The following IGSF10 variants were observed in gnomAD, a reference collection of about 807,000 sequenced individuals.
The protein encoded by IGSF10 is calvaria mechanical force protein 608.
A neutral mutation model predicts 128.2 loss-of-function variants in IGSF10; 126 were observed. The observed-to-expected ratio is 0.98, with a 90% CI of 0.85 to 1.14. The LOEUF (loss-of-function observed/expected upper bound fraction) is 1.14, where lower values mean the gene tolerates loss of function less well. IGSF10 is among the 50% of genes most tolerant of loss of function. The pLI, the probability that IGSF10 is intolerant of heterozygous loss-of-function variation, is 0.00. For synonymous variants in IGSF10, 1,185 were observed against 1,146.2 expected (o/e 1.03, Z -0.68); for missense variants, 3,295 against 3,149.8 (o/e 1.05, Z -1.10).
the IGSF10 span, among the ~76,000 whole-genome samples, chr3:151,535,690 A>G: frequency 6.6e-6 from 1 of 152,238 alleles, no homozygotes; most frequent in Non-Finnish European, 1.5e-5. Context: ...TATGGTAGGT[A>G]TTACAAATAG....
upstream of IGSF10, chr3:151,461,184 A>G: frequency 1.0e-6 from 1 of 985,316 alleles, no homozygotes. Context: ...GCGTGTGGGA[A>G]GCTAATTCGC....
intron 7 of IGSF10, chr3:151,440,790 C>A (rs1283764879): frequency 8.3e-6 from 3 of 359,426 alleles, no homozygotes; most frequent in African/African-American, 2.1e-5. Context: ...TAGAATTTTC[C>A]GGATTAAAGG....
intron 3 of IGSF10, among the ~76,000 whole-genome samples, chr3:151,458,155 T>C (rs1188958393): frequency 2.0e-5 from 3 of 152,188 alleles, no homozygotes; most frequent in East Asian, 3.9e-4. Context: ...GTGTATTATA[T>C]AGGCAGACAC....
At chr3:151,511,432 A>G in the IGSF10 span, among the ~76,000 whole-genome samples, 1 of 152,246 alleles carries the variant, frequency 6.6e-6, no homozygotes. Flanking sequence ...TTTTGTCACT[A>G]TCAGGCCTGC....
chr3:151,580,307 C>T, the IGSF10 span, among the ~76,000 whole-genome samples: 1 of 152,020 alleles, frequency 6.6e-6, no homozygotes, highest in Non-Finnish European at 1.5e-5. Context: ...TATTATCAGC[C>T]AACTTTCACT....
the IGSF10 span, among the ~76,000 whole-genome samples, chr3:151,594,196 A>G: frequency 6.6e-6 from 1 of 152,168 alleles, no homozygotes; most frequent in East Asian, 1.9e-4. Flanking sequence ...ATTCCAAGAA[A>G]TGTGCCCAGA....
chr3:151,502,859 G>T, the IGSF10 span, among the ~76,000 whole-genome samples: 2 of 152,022 alleles, frequency 1.3e-5, no homozygotes, highest in African/African-American at 4.8e-5. Flanking sequence ...AAACCAGAAA[G>T]GTGCTTTCGT....
chr3:151,440,381 A>C (rs952689934), intron 7 of IGSF10, among the ~76,000 whole-genome samples: 4 of 152,176 alleles, frequency 2.6e-5, no homozygotes, highest in African/African-American at 7.2e-5. Context: ...GTATTATAGT[A>C]AAATATTAGA....
the IGSF10 span, among the ~76,000 whole-genome samples, chr3:151,558,810 T>C: frequency 0.15 from 22,394 of 152,154 alleles, 1,798 homozygotes; most frequent in African/African-American, 0.18. Flanking sequence ...TCATGGTACA[T>C]GTGATTTCAT....
the IGSF10 span, among the ~76,000 whole-genome samples, chr3:151,485,909 C>A: frequency 1.3e-5 from 2 of 152,238 alleles, no homozygotes; most frequent in African/African-American, 4.8e-5. Context: ...GGCAAAATAA[C>A]CAGCTAGCAT....
In IGSF10 at chr3:151,446,442, G is replaced by A. The variant is rs1359979152; in HGVS notation, c.3539C>T (p.Ser1180Leu). ...EAKRDSVITSSLSGAITKPPM... is the reference protein window; with the variant it reads ...EAKRDSVITSLLSGAITKPPM... ...TGGCTTGGTGATAGCACCTGAAAGT[G>A]ACGATGTAATCACTGAATCTCTTTT... The change falls in exon 6 of 8, where the codon TCA becomes TTA. Residue 1180 changes from serine to leucine, a missense_variant. Coordinates refer to ENST00000282466, the MANE Select transcript of IGSF10 (RefSeq NM_178822.5). 2 of 1,614,034 alleles carry A rather than the reference G, an allele frequency of 1.2e-6. No individual in the cohort carries two copies. Among genetic ancestry groups the A allele is most frequent in the Non-Finnish European group, 1.7e-6 (2 of 1,179,990 alleles).
the IGSF10 span, among the ~76,000 whole-genome samples, chr3:151,613,402 T>C: frequency 6.6e-6 from 1 of 152,166 alleles, no homozygotes; most frequent in Non-Finnish European, 1.5e-5. Context: ...GCTGGAGGCA[T>C]CACGCTACCT....
chr3:151,457,106 T>TGGTC lies in IGSF10; in HGVS notation c.240_243dup (p.Lys82AspfsTer18). On this transcript the variant is annotated frameshift_variant, in exon 4 of 8. Coordinates refer to ENST00000282466, the MANE Select transcript of IGSF10 (RefSeq NM_178822.5). LOFTEE classifies it high-confidence loss of function. ...CTGTGAAGCATGAGTAACTCCAGTT[T>TGGTC]GGTCAGGCCAGAAAAATCTGTTTCC... The TGGTC allele has an allele frequency of 6.2e-7, 1 of 1,614,190 alleles. No homozygotes were observed. The highest frequency in any genetic ancestry group is 1.6e-4 in the Middle Eastern group (1 of 6,062).
the IGSF10 span, among the ~76,000 whole-genome samples, chr3:151,487,885 C>CA: frequency 6.6e-6 from 1 of 152,076 alleles, no homozygotes; most frequent in Non-Finnish European, 1.5e-5. Flanking sequence ...ACTGAATGGG[C>CA]AAAAACTGGA....
At chr3:151,565,304 C>T in the IGSF10 span, among the ~76,000 whole-genome samples, 73,887 of 151,780 alleles carry the variant, frequency 0.49, 18,172 homozygotes, top group South Asian at 0.58. Context: ...ACTTTATAGG[C>T]CCAGAAACCA....
the IGSF10 span, among the ~76,000 whole-genome samples, chr3:151,492,669 G>C: frequency 6.6e-6 from 1 of 152,128 alleles, no homozygotes; most frequent in Non-Finnish European, 1.5e-5. Context: ...AGTGAACCAA[G>C]ATCGCGCCAC....
At chr3:151,534,294 C>T in the IGSF10 span, among the ~76,000 whole-genome samples, 1 of 152,110 alleles carries the variant, frequency 6.6e-6, no homozygotes, top group East Asian at 1.9e-4. Flanking sequence ...CCCAGCAATC[C>T]CATTACTGGG....
At chr3:151,453,308 C>T in intron 5 of IGSF10, 76 bp downstream of exon 5, 2 of 1,176,158 alleles carry the variant, frequency 1.7e-6, no homozygotes, top group Non-Finnish European at 2.4e-6. Flanking sequence ...ACCCTGGGCT[C>T]TCCACTTCCT....
upstream of IGSF10, among the ~76,000 whole-genome samples, chr3:151,463,535 T>TGTTTTTTG (rs56084857): frequency 5.8e-5 from 3 of 52,156 alleles, no homozygotes; most frequent in African/African-American, 1.6e-4. Flanking sequence ...TTTTTTTTTT[T>TGTTTTTTG]TTTTTTTTTT....
Sources: gnomAD v4.1 joint callset for allele counts (sites outside exome capture counted in the v4.1 genomes callset) on GRCh38, gnomAD v4.1.1 for gene constraint, MANE v1.5 for transcripts, NCBI Gene and HGNC (gene_info 2026-07-23, HGNC 2026-07-21) for gene names.